NRG1: variants seen among roughly 807,000 people sequenced by gnomAD.
The protein encoded by NRG1 is pro-neuregulin-1, membrane-bound isoform.
Under a neutral mutation model 63.8 loss-of-function variants are expected in NRG1, and 18 were observed. The observed-to-expected ratio is 0.28, with a 90% CI of 0.19 to 0.42. NRG1 has a LOEUF of 0.42. Ranked by LOEUF, NRG1 falls within the 10% of genes least tolerant of loss-of-function variation. The pLI is 1.00. For missense variants in NRG1, 762 were observed against 814.7 expected (o/e 0.94, Z 0.79); for synonymous variants, 302 against 301.3 (o/e 1.00, Z -0.02).
intron 1 of NRG1, among the ~76,000 whole-genome samples, chr8:32,485,222 C>T (rs1825766598): frequency 6.6e-6 from 1 of 151,810 alleles, no homozygotes; most frequent in African/African-American, 2.4e-5. Flanking sequence ...TCAAGCGATA[C>T]TCCTGCCTCA....
At chr8:31,844,307 A>G (rs1826470273) in intron 1 of NRG1, among the ~76,000 whole-genome samples, 1 of 152,156 alleles carries the variant, frequency 6.6e-6, no homozygotes, top group African/African-American at 2.4e-5. Context: ...CCAGTTCGGA[A>G]TCCCCTAGAA....
intron 1 of NRG1, among the ~76,000 whole-genome samples, chr8:32,169,678 C>T (rs866572231): frequency 5.3e-5 from 8 of 152,172 alleles, no homozygotes; most frequent in African/African-American, 1.7e-4. Flanking sequence ...ACTTTCTGGT[C>T]CAAAGTTGGA....
At chr8:32,672,963 T>C (rs1806099990) in intron 5 of NRG1, among the ~76,000 whole-genome samples, 2 of 152,222 alleles carry the variant, frequency 1.3e-5, no homozygotes, top group Admixed American at 6.5e-5. Context: ...AAGTAATCAT[T>C]TCTTTGTTAA....
intron 1 of NRG1, among the ~76,000 whole-genome samples, chr8:31,889,188 A>G (rs1830954643): frequency 6.6e-6 from 1 of 152,204 alleles, no homozygotes; most frequent in African/African-American, 2.4e-5. Flanking sequence ...AAGTGACATC[A>G]TGTTCCAAAT....
At chr8:32,206,399 AG>A (rs1241634141) in intron 1 of NRG1, among the ~76,000 whole-genome samples, 6 of 152,212 alleles carry the variant, frequency 3.9e-5, no homozygotes, top group African/African-American at 1.2e-4. Flanking sequence ...AAAGGAGGAA[AG>A]GCATAGAAGG....
At chr8:31,884,792 A>ATT (rs909286851) in intron 1 of NRG1, among the ~76,000 whole-genome samples, 1 of 151,396 alleles carries the variant, frequency 6.6e-6, no homozygotes, top group Non-Finnish European at 1.5e-5. Context: ...TCCATTTGAC[A>ATT]TTTTTTTTTA....
intron 2 of NRG1, 147 bp downstream of exon 2, chr8:32,596,152 CATGTT>C: frequency 1.6e-6 from 1 of 613,760 alleles, no homozygotes; most frequent in South Asian, 3.3e-5. Flanking sequence ...GACAAAAAAT[CATGTT>C]ATCACATAGG....
chr8:31,973,313 T>C (rs1421074072), intron 1 of NRG1, among the ~76,000 whole-genome samples: 2 of 152,198 alleles, frequency 1.3e-5, no homozygotes, highest in Non-Finnish European at 2.9e-5. Context: ...TCATTAGATA[T>C]CTTGTAGATA....
At chr8:32,510,599 G>A (rs1829063567) in intron 1 of NRG1, among the ~76,000 whole-genome samples, 1 of 152,134 alleles carries the variant, frequency 6.6e-6, no homozygotes, top group African/African-American at 2.4e-5. Flanking sequence ...AGTAGAAGGT[G>A]AGGAAATGGG....
intron 1 of NRG1, among the ~76,000 whole-genome samples, chr8:31,944,210 G>C (rs563008831): frequency 6.6e-6 from 1 of 152,128 alleles, no homozygotes; most frequent in Non-Finnish European, 1.5e-5. Context: ...GGTCTAGATA[G>C]ATCTTGTCTA....
At chr8:32,244,718 G>A (rs907657161) in intron 1 of NRG1, among the ~76,000 whole-genome samples, 1 of 152,134 alleles carries the variant, frequency 6.6e-6, no homozygotes, top group Non-Finnish European at 1.5e-5. Flanking sequence ...GAGTAAGACT[G>A]AGCAGGGTCT....
chr8:32,690,559 A>ATT (rs10691392), intron 5 of NRG1, among the ~76,000 whole-genome samples: 104,413 of 151,836 alleles, frequency 0.69, 37,197 homozygotes, highest in African/African-American at 0.89. Context: ...GGAACCCAGT[A>ATT]TTAGGCCTTG....
Position 32,742,904 on chromosome 8 carries a change from T to G in NRG1, c.691+171T>G. On this transcript the variant is annotated intron_variant, in intron 7 of 11. Coordinates refer to ENST00000356819, the Ensembl canonical transcript of NRG1. This position sits in a 1 kb window ranked among gnomAD's most constrained non-coding sequence, Gnocchi z 4.2. ...GAGAACATTAACAAAAGCAATTGTA[T>G]TACTTCCTCTGTTCGCGACTAGTTG... 3 of 1,518,582 alleles carry G rather than the reference T, an allele frequency of 2.0e-6. No homozygotes were observed. Among genetic ancestry groups the G allele is most frequent in the Non-Finnish European group, 2.7e-6 (3 of 1,131,932 alleles). The allele number at this position is 1,518,582 out of a possible 1,614,324, so 94.1% of individuals were successfully genotyped here. A position where few individuals can be genotyped will look rare whatever the true frequency, so the allele number is the denominator to read the frequency against.
intron 1 of NRG1, among the ~76,000 whole-genome samples, chr8:32,036,126 G>A (rs563000543): frequency 6.6e-6 from 1 of 152,284 alleles, no homozygotes; most frequent in South Asian, 2.1e-4. Flanking sequence ...GGCAGGCCTG[G>A]TGGTGACAAA....
At chr8:31,990,235 T>C (rs1810824084) in intron 1 of NRG1, among the ~76,000 whole-genome samples, 1 of 152,112 alleles carries the variant, frequency 6.6e-6, no homozygotes, top group African/African-American at 2.4e-5. Context: ...CATCTCCAAA[T>C]TCCTGATCTA....
chr8:32,486,309 T>G (rs748613169), intron 1 of NRG1, among the ~76,000 whole-genome samples: 49 of 152,114 alleles, frequency 3.2e-4, no homozygotes, highest in Non-Finnish European at 2.2e-4. Context: ...CTTATTCAGA[T>G]AGCTAACAAA....
chr8:32,320,578 A>G (rs376449952), intron 1 of NRG1, among the ~76,000 whole-genome samples: 25 of 152,260 alleles, frequency 1.6e-4, no homozygotes, highest in African/African-American at 5.5e-4. Context: ...GGTGCTACAC[A>G]CTTTTAAACA....
Position 32,128,828 on chromosome 8 carries a change from C to T in NRG1, c.38-467000C>T, listed in dbSNP as rs7002964. 1.3e-3 allele frequency among the ~76,000 whole-genome samples: 195 copies of T among 152,034 alleles called. 1 individual carries two copies. The highest frequency in any genetic ancestry group is 4.5e-3 in the African/African-American group (185 of 41,514). On this transcript the variant is annotated intron_variant, in intron 1 of 10. Transcript: ENST00000519301. ...TCAATCTGTGCCTTTCATCTCTGAC[C>T]ATTGGTATCTTTCTTCTGATAGGAT...
chr8:32,202,767 T>C (rs1586056033), intron 1 of NRG1, among the ~76,000 whole-genome samples: 2 of 151,416 alleles, frequency 1.3e-5, no homozygotes, highest in South Asian at 4.2e-4. Flanking sequence ...CTTCAGACAC[T>C]TCCTCTCTTC....
Sources: allele counts gnomAD v4.1 joint callset (sites outside exome capture counted in the v4.1 genomes callset), GRCh38; gene constraint gnomAD v4.1.1; non-coding constraint Gnocchi (gnomAD v3.1); transcripts MANE v1.5; gene names NCBI Gene and HGNC (gene_info 2026-07-23, HGNC 2026-07-21).